The following SIL1 variants were observed in gnomAD, a reference collection of about 807,000 sequenced individuals.
SIL1 encodes the protein nucleotide exchange factor SIL1.
In SIL1, 40 loss-of-function variants were observed where a neutral mutation model predicts 49.1. The ratio of observed to expected loss-of-function variants is 0.81; its 90% CI spans 0.63 to 1.06. SIL1 has a LOEUF of 1.06. Ranked by LOEUF, SIL1 falls within the 50% of genes least tolerant of loss-of-function variation. The pLI is 0.00. For synonymous variants in SIL1, 253 were observed against 250.8 expected, an observed-to-expected ratio of 1.01 and a Z score of -0.08; for missense variants, 500 against 572.6, an observed-to-expected ratio of 0.87 and a Z score of 1.29.
intron 3 of SIL1, among the ~76,000 whole-genome samples, chr5:139,104,268 C>T (rs909697653): frequency 7.2e-5 from 11 of 152,182 alleles, no homozygotes; most frequent in African/African-American, 1.4e-4. Context: ...TCCTAGACCA[C>T]GCCAACAATG....
intron 1 of SIL1, chr5:139,137,615 G>A (rs1260182937): frequency 9.6e-6 from 3 of 312,948 alleles, no homozygotes; most frequent in African/African-American, 2.2e-5. Context: ...GTGCAATGTT[G>A]GTGTGCTGCA....
At chr5:139,008,428 A>AT (rs1419987647) in intron 7 of SIL1, among the ~76,000 whole-genome samples, 1 of 120,700 alleles carries the variant, frequency 8.3e-6, no homozygotes, top group African/African-American at 3.8e-5. Flanking sequence ...GGATTCATTG[A>AT]TTTTTTGAAG....
chr5:139,003,026 T>C (rs1768022397), intron 7 of SIL1, among the ~76,000 whole-genome samples: 1 of 151,848 alleles, frequency 6.6e-6, no homozygotes, highest in African/African-American at 2.4e-5. Context: ...GAGCTAGAGG[T>C]GGAAACAATA....
intron 5 of SIL1, chr5:139,035,593 A>C (rs938974657): frequency 2.0e-5 from 8 of 405,778 alleles, no homozygotes; most frequent in African/African-American, 1.5e-4. Context: ...TACCTGTGCC[A>C]GCACAGACAT....
chr5:139,005,222 A>C (rs1436058468), intron 7 of SIL1, among the ~76,000 whole-genome samples: 1 of 149,198 alleles, frequency 6.7e-6, no homozygotes, highest in Non-Finnish European at 1.5e-5. Context: ...TTACAAAATA[A>C]ATACATATAA....
intron 1 of SIL1, among the ~76,000 whole-genome samples, chr5:139,133,960 T>C (rs1750920875): frequency 6.6e-6 from 1 of 152,168 alleles, no homozygotes; most frequent in African/African-American, 2.4e-5. Context: ...TATGTGATCT[T>C]GGACACAACT....
At chr5:139,178,209 G>C (rs1288131318) in intron 1 of SIL1, among the ~76,000 whole-genome samples, 1 of 152,218 alleles carries the variant, frequency 6.6e-6, no homozygotes, top group Non-Finnish European at 1.5e-5. Flanking sequence ...GAATCAGGAG[G>C]AACAAGGCCA....
intron 3 of SIL1, among the ~76,000 whole-genome samples, chr5:139,107,278 T>C (rs1289625453): frequency 6.6e-6 from 1 of 152,248 alleles, no homozygotes; most frequent in Non-Finnish European, 1.5e-5. Context: ...TTACCTGTTA[T>C]GCTGGGGGCA....
At chr5:139,112,529 C>G (rs1179470417) in intron 3 of SIL1, among the ~76,000 whole-genome samples, 1 of 151,058 alleles carries the variant, frequency 6.6e-6, no homozygotes, top group South Asian at 2.1e-4. Flanking sequence ...CGCCTCTGCC[C>G]GGCCGCCCCG....
intron 1 of SIL1, chr5:139,137,245 T>C: frequency 2.9e-6 from 2 of 689,264 alleles, no homozygotes; most frequent in South Asian, 3.1e-5. Flanking sequence ...GTTCATTTAC[T>C]CTTCACGACA....
At chr5:139,071,335 T>C (rs771355762) in intron 3 of SIL1, among the ~76,000 whole-genome samples, 2 of 152,182 alleles carry the variant, frequency 1.3e-5, no homozygotes, top group Non-Finnish European at 2.9e-5. Flanking sequence ...ATAAACTATT[T>C]GAAAATGCAA....
chr5:139,179,341 G>A (rs746322229), intron 1 of SIL1, among the ~76,000 whole-genome samples: 10 of 152,220 alleles, frequency 6.6e-5, no homozygotes, highest in Non-Finnish European at 1.0e-4. Context: ...TCTGTGCCCT[G>A]ATGAGATTTT....
intron 7 of SIL1, among the ~76,000 whole-genome samples, chr5:139,017,386 T>C (rs1054627462): frequency 1.3e-5 from 2 of 152,130 alleles, no homozygotes; most frequent in Non-Finnish European, 2.9e-5. Flanking sequence ...GTACATAATC[T>C]CACCATGACT....
At chr5:139,051,900 T>C (rs562458529) in intron 3 of SIL1, among the ~76,000 whole-genome samples, 78 of 152,338 alleles carry the variant, frequency 5.1e-4, no homozygotes, top group Admixed American at 1.4e-3. Flanking sequence ...ATTCATTCAT[T>C]CATGAAACTG....
rs1166001558 is a variant in SIL1, at chr5:139,026,909, C to T, written c.537G>A (p.Glu179=). The change falls in exon 6 of 10, where the codon GAG becomes GAA. Residue 179 remains glutamate (E), a synonymous_variant. Transcript: ENST00000394817. ...KDFDELNVVI[E]TDMQIMVRLI... ...GCCGTACCATGATCTGCATGTCAGTCTCAATGACAACATTCAGCTCATCAA... is the reference window on the plus strand; with the variant it reads ...GCCGTACCATGATCTGCATGTCAGTTTCAATGACAACATTCAGCTCATCAA... 1.3e-5 allele frequency: 21 copies of T among 1,614,074 alleles called. No individual in the cohort carries two copies. The highest frequency in any genetic ancestry group is 1.8e-5 in the Non-Finnish European group (21 of 1,180,026).
chr5:139,080,570 T>A (rs1770050699), intron 3 of SIL1, among the ~76,000 whole-genome samples: 2 of 152,220 alleles, frequency 1.3e-5, no homozygotes, highest in African/African-American at 2.4e-5. Flanking sequence ...CAACACCACT[T>A]GTATGTCCTC....
chr5:139,016,388 A>G (rs1401711613), intron 7 of SIL1, among the ~76,000 whole-genome samples: 3 of 152,220 alleles, frequency 2.0e-5, no homozygotes, highest in African/African-American at 7.2e-5. Context: ...GTAGAAGACC[A>G]CAGGAGAAAG....
At chr5:139,015,764 T>C (rs1768384353) in intron 7 of SIL1, among the ~76,000 whole-genome samples, 1 of 152,216 alleles carries the variant, frequency 6.6e-6, no homozygotes, top group African/African-American at 2.4e-5. Flanking sequence ...GTCTCATTGG[T>C]CAGAACTGGG....
intron 1 of SIL1, among the ~76,000 whole-genome samples, chr5:139,162,014 A>G (rs1751523828): frequency 6.8e-6 from 1 of 148,076 alleles, no homozygotes; most frequent in African/African-American, 2.5e-5. Context: ...CTCTGTCTCA[A>G]AAAAAAAAAA....
Sources: allele counts gnomAD v4.1 joint callset (sites outside exome capture counted in the v4.1 genomes callset), GRCh38; gene constraint gnomAD v4.1.1; transcripts MANE v1.5; gene names NCBI Gene and HGNC (gene_info 2026-07-23, HGNC 2026-07-21).